TP63: variants seen among roughly 807,000 people sequenced by gnomAD.
The protein encoded by TP63 is tumor protein 63.
In TP63, 17 loss-of-function variants were observed where a neutral mutation model predicts 82.8. The observed-to-expected ratio is 0.21, with a 90% CI of 0.14 to 0.31. The LOEUF (loss-of-function observed/expected upper bound fraction) is 0.31. TP63 is among the 10% of genes least tolerant of loss of function. TP63 has a pLI of 1.00. For synonymous variants in TP63, 330 were observed against 321.7 expected, an observed-to-expected ratio of 1.03 and a Z score of -0.28; for missense variants, 648 against 895.3, an observed-to-expected ratio of 0.72 and a Z score of 3.52.
At chr3:189,709,918 T>C (rs1453393081) in intron 1 of TP63, among the ~76,000 whole-genome samples, 1 of 152,218 alleles carries the variant, frequency 6.6e-6, no homozygotes, top group Non-Finnish European at 1.5e-5. Flanking sequence ...ACCTTGTTTA[T>C]ACTTTTTAGG....
Position 189,897,101 on chromosome 3 carries a change from T to C in TP63, c.*2599T>C. ...GCAAATGTTAAAAGTTTTATATGCT[T>C]TATTAATGTTTTCAAAAGGTATTAT... On this transcript the variant is annotated 3_prime_UTR_variant, in exon 14 of 14. Coordinates refer to ENST00000264731, the MANE Select transcript of TP63 (RefSeq NM_003722.5). 2 of 224,436 alleles carry C rather than the reference T, an allele frequency of 8.9e-6. No homozygotes were observed. Among genetic ancestry groups the C allele is most frequent in the East Asian group, 1.3e-4 (2 of 15,262 alleles). The allele number at this position is 224,436 out of a possible 1,614,324, so 13.9% of individuals were successfully genotyped here. A position where few individuals can be genotyped will look rare whatever the true frequency, so the allele number is the denominator to read the frequency against.
chr3:189,745,390 T>G (rs1207691816), intron 3 of TP63, among the ~76,000 whole-genome samples: 2 of 151,868 alleles, frequency 1.3e-5, no homozygotes, highest in African/African-American at 4.8e-5. Context: ...AATGAGACAT[T>G]TACCAAAGAG....
chr3:189,771,034 A>G (rs997012025), intron 3 of TP63, among the ~76,000 whole-genome samples: 9 of 151,932 alleles, frequency 5.9e-5, no homozygotes, highest in African/African-American at 2.2e-4. Flanking sequence ...TAAGTGCATT[A>G]TCTCTGGATT....
intron 2 of TP63, 113 bp downstream of exon 2, chr3:189,737,981 G>C: frequency 7.3e-7 from 1 of 1,368,056 alleles, no homozygotes; most frequent in Non-Finnish European, 1.0e-6. Flanking sequence ...AAGTTATTTA[G>C]GAAAAGTTAA....
chr3:189,681,093 C>A (rs1715865283), intron 1 of TP63, among the ~76,000 whole-genome samples: 1 of 152,176 alleles, frequency 6.6e-6, no homozygotes, highest in African/African-American at 2.4e-5. Context: ...GTAAAAATGT[C>A]CTTCCAGTTC....
At chr3:189,852,764 G>A (rs188160591) in intron 4 of TP63, among the ~76,000 whole-genome samples, 2 of 152,154 alleles carry the variant, frequency 1.3e-5, no homozygotes, top group African/African-American at 4.8e-5. Context: ...AGTAGTTAAC[G>A]GTATCTTGTG....
At chr3:189,825,384 T>C (rs1729231818) in intron 4 of TP63, among the ~76,000 whole-genome samples, 2 of 152,206 alleles carry the variant, frequency 1.3e-5, no homozygotes, top group African/African-American at 2.4e-5. Flanking sequence ...TAGAAAAGTA[T>C]TAGGAATATC....
chr3:189,707,516 A>C (rs2108749565), intron 1 of TP63, among the ~76,000 whole-genome samples: 1 of 152,206 alleles, frequency 6.6e-6, no homozygotes, highest in Non-Finnish European at 1.5e-5. Context: ...TTTCTTTTGG[A>C]GATATTCCCA....
intron 11 of TP63, among the ~76,000 whole-genome samples, chr3:189,888,675 T>C (rs1720711163): frequency 6.6e-6 from 1 of 152,246 alleles, no homozygotes; most frequent in Non-Finnish European, 1.5e-5. Flanking sequence ...TTTTTTTCTC[T>C]ATCAGTGAGT....
At chr3:189,670,021 A>G (rs984782495) in intron 1 of TP63, among the ~76,000 whole-genome samples, 5 of 151,994 alleles carry the variant, frequency 3.3e-5, no homozygotes, top group Admixed American at 3.3e-4. Context: ...CATATAAACT[A>G]TATTAATAAG....
At chr3:189,753,868 A>G (rs1260047318) in intron 3 of TP63, among the ~76,000 whole-genome samples, 2 of 152,068 alleles carry the variant, frequency 1.3e-5, no homozygotes, top group South Asian at 4.1e-4. Flanking sequence ...ATAGAAATTC[A>G]TTATTTCATA....
chr3:189,716,109 A>C (rs997208992), intron 1 of TP63, among the ~76,000 whole-genome samples: 1 of 152,234 alleles, frequency 6.6e-6, no homozygotes, highest in African/African-American at 2.4e-5. Context: ...AAGTTTAAGC[A>C]ACTTGGTTCA....
chr3:189,880,471 G>A (rs1438379857), intron 10 of TP63: 1 of 1,046,512 alleles, frequency 9.6e-7, no homozygotes, highest in African/African-American at 1.7e-5. Flanking sequence ...TTTCCTGGGA[G>A]GGAGGGGTCA....
the TP63 span, among the ~76,000 whole-genome samples, chr3:189,597,268 A>G: frequency 1.3e-5 from 2 of 152,212 alleles, no homozygotes; most frequent in South Asian, 4.1e-4. Flanking sequence ...TTGAAACCCA[A>G]GAAGATAAAA....
chr3:189,880,014 G>T (rs779471717), intron 10 of TP63: 2 of 1,600,894 alleles, frequency 1.2e-6, no homozygotes, highest in South Asian at 2.2e-5. Context: ...GATTTGAATA[G>T]ATGAAGTCCT....
At chr3:189,834,562 T>A (rs143184728) in intron 4 of TP63, among the ~76,000 whole-genome samples, 4 of 152,332 alleles carry the variant, frequency 2.6e-5, no homozygotes, top group African/African-American at 9.6e-5. Flanking sequence ...TACTGTTTAT[T>A]TTGTGTACTT....
chr3:189,731,093 A>G (rs534732218), intron 1 of TP63, among the ~76,000 whole-genome samples: 3 of 152,350 alleles, frequency 2.0e-5, no homozygotes, highest in African/African-American at 7.2e-5. Context: ...CTGTAATCCC[A>G]GCGCTCTGGG....
chr3:189,690,879 G>A (rs1435429660), intron 1 of TP63, among the ~76,000 whole-genome samples: 1 of 152,124 alleles, frequency 6.6e-6, no homozygotes, highest in Non-Finnish European at 1.5e-5. Flanking sequence ...AGTTTGTCCT[G>A]AAGATGCTTT....
At chr3:189,636,266 G>A (rs1427917377) in intron 1 of TP63, among the ~76,000 whole-genome samples, 1 of 152,112 alleles carries the variant, frequency 6.6e-6, no homozygotes, top group African/African-American at 2.4e-5. Context: ...TCTTAGCAGA[G>A]TGCACAAAGG....
Sources: gnomAD v4.1 joint callset for allele counts (sites outside exome capture counted in the v4.1 genomes callset) on GRCh38, gnomAD v4.1.1 for gene constraint, MANE v1.5 for transcripts, NCBI Gene and HGNC (gene_info 2026-07-23, HGNC 2026-07-21) for gene names.